The following GATA4 variants were observed in gnomAD, a reference collection of about 807,000 sequenced individuals.
The protein encoded by GATA4 is GATA binding protein 4, also known as transcription factor GATA-4.
GATA4 carries 7 observed loss-of-function variants against 37.9 expected under a neutral mutation model. That is an observed-to-expected ratio of 0.18 (90% CI 0.11 to 0.35). GATA4 has a LOEUF of 0.35. Among genes scored for constraint, GATA4 ranks in the 10% least tolerant of loss-of-function variants. GATA4 has a pLI of 1.00. For missense variants in GATA4, 647 were observed against 653.0 expected (o/e 0.99, Z 0.10); for synonymous variants, 372 against 292.6 (o/e 1.27, Z -2.77).
At chr8:11,719,295 G>C (rs534588634) in intron 2 of GATA4, among the ~76,000 whole-genome samples, 1 of 151,748 alleles carries the variant, frequency 6.6e-6, no homozygotes, top group South Asian at 2.1e-4. Flanking sequence ...AATAATACAG[G>C]TTGCCCCTCA....
At chr8:11,729,913 A>T (rs1801120376) in intron 2 of GATA4, among the ~76,000 whole-genome samples, 1 of 149,878 alleles carries the variant, frequency 6.7e-6, no homozygotes. Flanking sequence ...CCTACCACTT[A>T]CTATTTGTTG....
chr8:11,693,002 C>G, intron 1 of GATA4: 5 of 985,384 alleles, frequency 5.1e-6, no homozygotes, highest in Non-Finnish European at 6.0e-6. Flanking sequence ...GCTGCACCCC[C>G]GGCCGCGCAC....
intron 2 of GATA4, among the ~76,000 whole-genome samples, chr8:11,736,409 G>C (rs530957278): frequency 1.8e-4 from 28 of 152,326 alleles, no homozygotes; most frequent in Non-Finnish European, 4.0e-4. Context: ...GTTGGCTAAG[G>C]CGTCCACCTC....
intron 1 of GATA4, chr8:11,694,512 AC>A: frequency 1.0e-6 from 1 of 985,170 alleles, no homozygotes; most frequent in Non-Finnish European, 1.2e-6. Context: ...TTCCCTTGCC[AC>A]CTTTTGGTTC....
At chr8:11,751,645 A>C (rs892115499) in intron 4 of GATA4, among the ~76,000 whole-genome samples, 2 of 152,204 alleles carry the variant, frequency 1.3e-5, no homozygotes, top group Non-Finnish European at 2.9e-5. Context: ...ACTTCCCCCA[A>C]ATGGGCAAAA....
At chr8:11,716,639 C>T (rs890984869) in intron 2 of GATA4, among the ~76,000 whole-genome samples, 6 of 152,198 alleles carry the variant, frequency 3.9e-5, no homozygotes, top group African/African-American at 1.4e-4. Flanking sequence ...ACTGTGGCTT[C>T]CCCACTTGTG....
chr8:11,758,773 C>T lies in GATA4; in HGVS notation c.*298C>T, dbSNP rs1179935604. On this transcript the variant is annotated 3_prime_UTR_variant, in exon 7 of 7. Transcript: ENST00000532059. ...ATGTCCTTGTCCCCTGCGTTCCCCA[C>T]TGTGGCCTAGACCGTGGGTTTTGCA... 8.8e-6 allele frequency: 4 copies of T among 453,218 alleles called. No individual in the cohort carries two copies. The highest frequency in any genetic ancestry group is 8.0e-5 in the African/African-American group (4 of 50,236). The allele number at this position is 453,218 out of a possible 1,614,324, so 28.1% of individuals were successfully genotyped here.
chr8:11,719,109 AGTT>A (rs554950526), intron 2 of GATA4, among the ~76,000 whole-genome samples: 1 of 152,334 alleles, frequency 6.6e-6, no homozygotes, highest in East Asian at 1.9e-4. Flanking sequence ...AAAGTTTGCT[AGTT>A]GTTGTTTTAT....
upstream of GATA4, among the ~76,000 whole-genome samples, chr8:11,703,159 G>C (rs1799743066): frequency 6.6e-6 from 1 of 151,888 alleles, no homozygotes; most frequent in Non-Finnish European, 1.5e-5. Context: ...GCCCGTGCTG[G>C]AGAGAAAAAC....
At chr8:11,711,035 C>G (rs1218521666) in intron 2 of GATA4, among the ~76,000 whole-genome samples, 1 of 152,118 alleles carries the variant, frequency 6.6e-6, no homozygotes, top group Non-Finnish European at 1.5e-5. Flanking sequence ...CGGTTGAACC[C>G]GGGAGGCGGA....
upstream of GATA4, among the ~76,000 whole-genome samples, chr8:11,689,794 C>A (rs924012991): frequency 2.6e-5 from 4 of 152,192 alleles, no homozygotes; most frequent in Non-Finnish European, 1.5e-5. Context: ...GCCCGAGAGC[C>A]CAGGGCTGCC....
chr8:11,743,148 C>T (rs1165723896), intron 2 of GATA4, among the ~76,000 whole-genome samples: 2 of 152,248 alleles, frequency 1.3e-5, no homozygotes, highest in South Asian at 2.1e-4. Flanking sequence ...GTGGGCTGGG[C>T]ACCACTGTGA....
At chr8:11,713,042 CAA>C (rs2130100468) in intron 2 of GATA4, among the ~76,000 whole-genome samples, 1 of 149,742 alleles carries the variant, frequency 6.7e-6, no homozygotes, top group African/African-American at 2.5e-5. Flanking sequence ...TGAGGAGAAA[CAA>C]GAGAACACTT....
intron 1 of GATA4, among the ~76,000 whole-genome samples, chr8:11,693,550 C>CAGAGAGAGAGAGAGAG (rs1166902782): frequency 8.6e-6 from 1 of 115,674 alleles, no homozygotes; most frequent in African/African-American, 3.4e-5. Context: ...CACACACACA[C>CAGAGAGAGAGAGAGAG]ACACACACAC....
chr8:11,724,010 G>A (rs976941854), intron 2 of GATA4, among the ~76,000 whole-genome samples: 1 of 152,108 alleles, frequency 6.6e-6, no homozygotes, highest in Non-Finnish European at 1.5e-5. Flanking sequence ...CCCCCATTGT[G>A]CTTTCTGTCT....
chr8:11,726,966 C>T (rs1019367999), intron 2 of GATA4, among the ~76,000 whole-genome samples: 1 of 152,090 alleles, frequency 6.6e-6, no homozygotes, highest in African/African-American at 2.4e-5. Context: ...GTGCCTCAGC[C>T]CACTGTTTTT....
At position 11,709,576 on chromosome 8, in the gene GATA4, G is replaced by GGGGGGGGT. The variant is rs1554488894; in HGVS notation, c.616+655_616+656insTGGGGGGG. Among the ~76,000 whole-genome samples the GGGGGGGGT allele has an allele frequency of 4.8e-5, 2 of 41,708 alleles. No homozygotes were observed. Among genetic ancestry groups the GGGGGGGGT allele is most frequent in the African/African-American group, 8.0e-5 (2 of 24,958 alleles). 27.4% of individuals were successfully genotyped at this position (41,708 alleles called of 152,430 possible). ...CGCGTGGGCGCATCATGCGGGCAGC[G>GGGGGGGGT]GGGGGGGGGGCGCACACGCCCGGTC... On this transcript the variant is annotated intron_variant, in intron 2 of 6. Coordinates refer to ENST00000532059, the MANE Select transcript of GATA4 (RefSeq NM_001308093.3). This position sits in a 1 kb window ranked among gnomAD's most constrained non-coding sequence, Gnocchi z 4.3.
chr8:11,750,145 A>G lies in GATA4; in HGVS notation c.821A>G (p.Asn274Ser), dbSNP rs1340083717. ...CGCCGAGTGGGCCTCTCCTGTGCCA[A>G]CTGCCAGACCACCACCACCACGCTG... ...ASRRVGLSCA[N>S]CQTTTTTLWR... The change falls in exon 4 of 7, where the codon AAC becomes AGC. Residue 274 changes from asparagine to serine, a missense_variant. This residue lies in a region of GATA4 where 56 missense variants were observed against 64.5 expected (regional missense o/e 0.87). Transcript: ENST00000532059. 1.2e-6 allele frequency: 2 copies of G among 1,613,934 alleles called. No individual in the cohort carries two copies. Among genetic ancestry groups the G allele is most frequent in the Non-Finnish European group, 1.7e-6 (2 of 1,180,046 alleles).
upstream of GATA4, among the ~76,000 whole-genome samples, chr8:11,703,341 C>G (rs1411132662): frequency 6.6e-6 from 1 of 152,162 alleles, no homozygotes; most frequent in Non-Finnish European, 1.5e-5. Context: ...GCTCGCAGCC[C>G]CGCTGCGCTG....
Sources: allele counts gnomAD v4.1 joint callset (sites outside exome capture counted in the v4.1 genomes callset), GRCh38; gene constraint gnomAD v4.1.1; regional missense constraint gnomAD v4.1.1; non-coding constraint Gnocchi (gnomAD v3.1); transcripts MANE v1.5; gene names NCBI Gene and HGNC (gene_info 2026-07-23, HGNC 2026-07-21).